EXOC2: variants seen among roughly 807,000 people sequenced by gnomAD.
EXOC2 encodes SEC5-like 1.
EXOC2 carries 70 observed loss-of-function variants against 131.8 expected under a neutral mutation model. That is an observed-to-expected ratio of 0.53 (90% CI 0.44 to 0.65). EXOC2 has a LOEUF of 0.65. Ranked by LOEUF, EXOC2 falls within the 30% of genes least tolerant of loss-of-function variation. EXOC2 has a pLI of 0.00. For missense variants in EXOC2, 923 were observed against 1,108.6 expected, an observed-to-expected ratio of 0.83 and a Z score of 2.38; for synonymous variants, 411 against 398.4, an observed-to-expected ratio of 1.03 and a Z score of -0.38.
At chr6:564,959 T>C (rs766650013) in intron 13 of EXOC2, 30 bp from the exon 14 acceptor site, 1 of 1,527,290 alleles carries the variant, frequency 6.5e-7, no homozygotes, top group South Asian at 1.2e-5. Flanking sequence ...AAATAAAACA[T>C]ATTAGAAATA....
Position 562,838 on chromosome 6 carries a change from C to CA in EXOC2, c.1796_1797insT (p.Lys599AsnfsTer5). ...TCCAGTCTTCTTTTTCAGCTAATCT[C>CA]TTTATTTCTATATGAGAAGAAGCAC... On this transcript the variant is annotated frameshift_variant, in exon 17 of 28. Coordinates refer to ENST00000230449, the MANE Select transcript of EXOC2 (RefSeq NM_018303.6). LOFTEE classifies it high-confidence loss of function. 6.3e-7 allele frequency: 1 copy of CA among 1,591,968 alleles called. No individual in the cohort carries two copies. The highest frequency in any genetic ancestry group is 8.5e-7 in the Non-Finnish European group (1 of 1,171,004).
intron 22 of EXOC2, among the ~76,000 whole-genome samples, chr6:536,148 T>C (rs1208299538): frequency 3.3e-5 from 5 of 152,220 alleles, no homozygotes; most frequent in Admixed American, 1.3e-4. Context: ...TTCAAGATTA[T>C]ACCAGAGGTC....
At position 521,130 on chromosome 6, in the gene EXOC2, C is replaced by T. The variant is rs527258356; in HGVS notation, c.2380+11339G>A. Among the ~76,000 whole-genome samples the T allele has an allele frequency of 1.5e-3, 218 of 140,958 alleles. 4 individuals are homozygous for T. The highest frequency in any genetic ancestry group is 0.014 in the Middle Eastern group (3 of 212). 92.5% of individuals were successfully genotyped at this position (140,958 alleles called of 152,430 possible). A position where few individuals can be genotyped will look rare whatever the true frequency, so the allele number is the denominator to read the frequency against. Reference sequence around the variant, plus strand: ...CTCGGACATGAAAACAACCACCCACCGAGTGCCTACACTCACTGTCCACAC... The same window carrying T: ...CTCGGACATGAAAACAACCACCCACTGAGTGCCTACACTCACTGTCCACAC... On this transcript the variant is annotated intron_variant, in intron 23 of 27. Coordinates refer to ENST00000230449, the MANE Select transcript of EXOC2 (RefSeq NM_018303.6).
intron 4 of EXOC2, among the ~76,000 whole-genome samples, chr6:621,295 T>G (rs1283351551): frequency 6.6e-6 from 1 of 152,066 alleles, no homozygotes; most frequent in Non-Finnish European, 1.5e-5. Context: ...ATGCTCTGCA[T>G]CCTCCCACTT....
rs568691583 is a variant in EXOC2, at chr6:504,005, A to C, written c.2381-4305T>G. On this transcript the variant is annotated intron_variant, in intron 23 of 27. Transcript: ENST00000230449. ...TCTGTGGGAGGATGTCAGCTCTTTCAAACACCTGTGTCCAAAGAAGCCCGT... is the reference window on the plus strand; with the variant it reads ...TCTGTGGGAGGATGTCAGCTCTTTCCAACACCTGTGTCCAAAGAAGCCCGT... 4.6e-5 allele frequency among the ~76,000 whole-genome samples: 7 copies of C among 152,330 alleles called. No homozygotes were observed. The South Asian group carries it at 1.5e-3, about 32-fold the overall frequency.
chr6:633,343 TC>T (rs1406914948), intron 2 of EXOC2, among the ~76,000 whole-genome samples: 1 of 152,192 alleles, frequency 6.6e-6, no homozygotes, highest in African/African-American at 2.4e-5. Flanking sequence ...TCTTCAAACA[TC>T]CGTAGAATTA....
At chr6:526,507 C>A (rs1765756493) in intron 23 of EXOC2, among the ~76,000 whole-genome samples, 1 of 139,578 alleles carries the variant, frequency 7.2e-6, no homozygotes, top group Non-Finnish European at 1.5e-5. Context: ...ATGGCGTAAT[C>A]TCGGCTCACG....
At chr6:493,295 A>G (rs1763539566) in intron 25 of EXOC2, among the ~76,000 whole-genome samples, 1 of 152,250 alleles carries the variant, frequency 6.6e-6, no homozygotes, top group Non-Finnish European at 1.5e-5. Context: ...GAAAAACAGT[A>G]TATAACTAGA....
intron 26 of EXOC2, 124 bp downstream of exon 26, chr6:491,001 C>A: frequency 1.9e-6 from 2 of 1,032,348 alleles, no homozygotes; most frequent in Non-Finnish European, 3.0e-6. Context: ...TTGACATAAA[C>A]TTTATCACAT....
chr6:656,880 G>A (rs776508514), intron 1 of EXOC2: 1 of 1,603,312 alleles, frequency 6.2e-7, no homozygotes, highest in Non-Finnish European at 8.5e-7. Flanking sequence ...CCTCGCGACG[G>A]TGCCGCTGAC....
At chr6:545,738 G>T (rs1407667445) in intron 22 of EXOC2, among the ~76,000 whole-genome samples, 1 of 152,142 alleles carries the variant, frequency 6.6e-6, no homozygotes, top group Non-Finnish European at 1.5e-5. Context: ...TCTATCGTGA[G>T]GAAGTAATTA....
rs34996425 is a variant in EXOC2 at position 553,390 on chromosome 6, AGTGTGT to A, written c.2121+458_2121+463del. Among the ~76,000 whole-genome samples, 173 of 150,046 alleles carry A rather than the reference AGTGTGT, an allele frequency of 1.2e-3. 1 individual carries two copies. Among genetic ancestry groups the A allele is most frequent in the African/African-American group, 3.7e-3 (150 of 40,830 alleles). On this transcript the variant is annotated intron_variant, in intron 21 of 27. Transcript: ENST00000230449. Reference sequence around the variant, plus strand: ...GTATGCATACATCTGTTTGTGTATAAGTGTGTGTGTGTGTGTGTGTGTGTGTATCTA... The same window carrying A: ...GTATGCATACATCTGTTTGTGTATAAGTGTGTGTGTGTGTGTGTGTATCTA...
chr6:594,507 G>A (rs1045811331), intron 10 of EXOC2, among the ~76,000 whole-genome samples: 1 of 152,124 alleles, frequency 6.6e-6, no homozygotes, highest in African/African-American at 2.4e-5. Flanking sequence ...TTTTAGGGAC[G>A]GTGTTCCTTT....
intron 22 of EXOC2, among the ~76,000 whole-genome samples, chr6:533,863 A>T (rs1247479951): frequency 1.3e-5 from 2 of 152,206 alleles, no homozygotes; most frequent in Non-Finnish European, 2.9e-5. Flanking sequence ...CCTGAGCTGC[A>T]ACGAACTACA....
At chr6:525,643 T>C (rs534316983) in intron 23 of EXOC2, 7 of 152,330 alleles carry the variant, frequency 4.6e-5, no homozygotes, top group African/African-American at 1.7e-4. Flanking sequence ...AGAAATTTCT[T>C]TTTTTAAAAT....
At chr6:651,030 C>CT (rs66636202) in intron 1 of EXOC2, among the ~76,000 whole-genome samples, 2,251 of 136,206 alleles carry the variant, frequency 0.017, 64 homozygotes, top group African/African-American at 0.056. Flanking sequence ...GGCATGTGTT[C>CT]TTTTTTTTTT....
At chr6:599,952 T>C (rs1760040050) in intron 7 of EXOC2, among the ~76,000 whole-genome samples, 1 of 152,098 alleles carries the variant, frequency 6.6e-6, no homozygotes, top group Non-Finnish European at 1.5e-5. Flanking sequence ...ACAAAAACAG[T>C]TTAAATTTTG....
chr6:608,395 T>C (rs762273191), intron 7 of EXOC2, among the ~76,000 whole-genome samples: 58 of 152,222 alleles, frequency 3.8e-4, no homozygotes, highest in Non-Finnish European at 7.8e-4. Flanking sequence ...AAAATGTTTC[T>C]AGAAAAGGGG....
intron 7 of EXOC2, among the ~76,000 whole-genome samples, chr6:608,482 A>C (rs761725997): frequency 6.6e-6 from 1 of 152,204 alleles, no homozygotes; most frequent in Non-Finnish European, 1.5e-5. Context: ...TAAAGAAGTG[A>C]CCATTTATAT....
Sources: allele counts gnomAD v4.1 joint callset (sites outside exome capture counted in the v4.1 genomes callset), GRCh38; gene constraint gnomAD v4.1.1; transcripts MANE v1.5; gene names NCBI Gene and HGNC (gene_info 2026-07-23, HGNC 2026-07-21).